Variants in CSMD1 observed in about 807,000 individuals in gnomAD.
CSMD1 encodes CUB and Sushi multiple domains 1, also known as CUB and sushi domain-containing protein 1.
A neutral mutation model predicts 417.5 loss-of-function variants in CSMD1; 213 were observed. The observed-to-expected ratio is 0.51, with a 90% CI of 0.46 to 0.57. The LOEUF (loss-of-function observed/expected upper bound fraction) is 0.57. CSMD1 is among the 20% of genes least tolerant of loss of function. The pLI is 0.00. For synonymous variants in CSMD1, 2,862 were observed against 1,736.8 expected, an observed-to-expected ratio of 1.65 and a Z score of -16.11; for missense variants, 6,923 against 4,529.7, an observed-to-expected ratio of 1.53 and a Z score of -15.17.
intron 3 of CSMD1, among the ~76,000 whole-genome samples, chr8:4,332,107 A>G (rs567118158): frequency 2.1e-3 from 313 of 152,262 alleles, no homozygotes; most frequent in Non-Finnish European, 2.5e-3. Context: ...CCAAGAAACC[A>G]CGCATAATTC....
At chr8:3,575,536 C>A (rs1389676980) in intron 9 of CSMD1, among the ~76,000 whole-genome samples, 2 of 152,172 alleles carry the variant, frequency 1.3e-5, no homozygotes, top group African/African-American at 2.4e-5. Flanking sequence ...ACTGTCTGAC[C>A]TCCAATAAAT....
chr8:3,014,551 C>A (rs1269342163), intron 52 of CSMD1, among the ~76,000 whole-genome samples: 2 of 152,114 alleles, frequency 1.3e-5, no homozygotes, highest in Non-Finnish European at 2.9e-5. Flanking sequence ...GGATGAAATT[C>A]TCCTGGGCAG....
In CSMD1 at chr8:4,994,506, A is replaced by G; in HGVS notation, c.-90T>C. ...GGAGCCAAATAATCACCCGAGGGCA[A>G]GGCGAGCCGGAGAGAGAGCCCGGTC... On this transcript the variant is annotated 5_prime_UTR_variant, in exon 1 of 70. Coordinates refer to ENST00000635120, the MANE Select transcript of CSMD1 (RefSeq NM_033225.6). 1 of 1,225,910 alleles carries G rather than the reference A, an allele frequency of 8.2e-7. No homozygotes were observed. The highest frequency in any genetic ancestry group is 2.5e-5 in the East Asian group (1 of 40,028). 75.9% of individuals were successfully genotyped at this position (1,225,910 alleles called of 1,614,324 possible).
At chr8:3,514,290 T>C (rs760080061) in intron 10 of CSMD1, among the ~76,000 whole-genome samples, 2 of 152,178 alleles carry the variant, frequency 1.3e-5, no homozygotes, top group Admixed American at 6.5e-5. Context: ...CATAGAGACG[T>C]CCTCAGTGCA....
chr8:3,772,997 C>G (rs891861996), intron 5 of CSMD1, among the ~76,000 whole-genome samples: 1 of 152,094 alleles, frequency 6.6e-6, no homozygotes, highest in Admixed American at 6.6e-5. Flanking sequence ...GGACTGGATT[C>G]CTGATTCAGA....
intron 3 of CSMD1, among the ~76,000 whole-genome samples, chr8:4,359,852 G>C (rs532720316): frequency 6.6e-6 from 1 of 152,244 alleles, no homozygotes; most frequent in South Asian, 2.1e-4. Flanking sequence ...AAGACTCAGT[G>C]CAAGTCCAGA....
In CSMD1 at chr8:4,138,070, T is replaced by A. The variant is rs1171724394; in HGVS notation, c.416-105971A>T. Among the ~76,000 whole-genome samples, 110 of 103,374 alleles carry A rather than the reference T, an allele frequency of 1.1e-3. 3 individuals carry two copies. Among genetic ancestry groups the A allele is most frequent in the Middle Eastern group, 4.7e-3 (1 of 214 alleles). The allele number at this position is 103,374 out of a possible 152,430, so 67.8% of individuals were successfully genotyped here. A position where few individuals can be genotyped will look rare whatever the true frequency, so the allele number is the denominator to read the frequency against. ...TTTTTTTTTTTTTTTTTTTTTTTTT[T>A]TTTTTTTTTTTTTTTTTGTATTTTT... On this transcript the variant is annotated intron_variant, in intron 3 of 69. Transcript: ENST00000635120.
chr8:3,928,546 T>A (rs966233511), intron 5 of CSMD1, among the ~76,000 whole-genome samples: 1 of 135,858 alleles, frequency 7.4e-6, no homozygotes, highest in Non-Finnish European at 1.6e-5. Context: ...GTTTGTAGGC[T>A]TCGGTACTGT....
At chr8:4,383,981 T>G (rs1803275840) in intron 3 of CSMD1, among the ~76,000 whole-genome samples, 1 of 152,314 alleles carries the variant, frequency 6.6e-6, no homozygotes, top group African/African-American at 2.4e-5. Context: ...GCATACCCTT[T>G]AAGTAGCACT....
intron 67 of CSMD1, 29 bp downstream of exon 67, chr8:2,950,202 T>G (rs1182517215): frequency 7.2e-7 from 1 of 1,389,320 alleles, no homozygotes; most frequent in African/African-American, 1.4e-5. Flanking sequence ...AAGCCTGTGC[T>G]TTGTCACAGA....
At chr8:3,212,070 G>C (rs539648692) in intron 30 of CSMD1, among the ~76,000 whole-genome samples, 120 of 152,274 alleles carry the variant, frequency 7.9e-4, no homozygotes, top group Middle Eastern at 3.4e-3. Context: ...GCACCAGGGA[G>C]ACCTTGGTCT....
rs58966907 is a variant in CSMD1 at position 3,926,082 on chromosome 8, TACACACACACACACACACACAC to T, written c.818+71799_818+71820del. Among the ~76,000 whole-genome samples the T allele has an allele frequency of 3.3e-3, 339 of 103,994 alleles. 10 individuals are homozygous for T. Among genetic ancestry groups the T allele is most frequent in the African/African-American group, 9.6e-3 (271 of 28,342 alleles). The allele number at this position is 103,994 out of a possible 152,430, so 68.2% of individuals were successfully genotyped here. ...CACACACACACACACACAAACACCA[TACACACACACACACACACACAC>T]ACACACACACACACACACACACACA... is the stretch of plus-strand genomic sequence containing the variant. On this transcript the variant is annotated intron_variant, in intron 5 of 69. Transcript: ENST00000635120.
chr8:4,247,622 A>G lies in CSMD1; in HGVS notation c.415+172331T>C, dbSNP rs554700473. On this transcript the variant is annotated intron_variant, in intron 3 of 69. Coordinates refer to ENST00000635120, the MANE Select transcript of CSMD1 (RefSeq NM_033225.6). ...ATTACATAATTACAAGGAGAAGAGCAGAGGTAGATTTCAAGTAAGTTATCA... is the reference window on the plus strand; with the variant it reads ...ATTACATAATTACAAGGAGAAGAGCGGAGGTAGATTTCAAGTAAGTTATCA... Among the ~76,000 whole-genome samples the G allele has an allele frequency of 2.6e-5, 4 of 152,306 alleles. No individual in the cohort carries two copies. In the East Asian group the frequency reaches 7.7e-4, roughly 29 times the overall value.
At chr8:3,803,739 A>G (rs1300699508) in intron 5 of CSMD1, among the ~76,000 whole-genome samples, 1 of 152,182 alleles carries the variant, frequency 6.6e-6, no homozygotes, top group African/African-American at 2.4e-5. Flanking sequence ...GAAGCCAGTG[A>G]CGAATCTTGA....
chr8:4,671,237 A>G (rs1805305575), intron 1 of CSMD1, among the ~76,000 whole-genome samples: 2 of 152,158 alleles, frequency 1.3e-5, no homozygotes, highest in African/African-American at 4.8e-5. Context: ...TTTACCATTG[A>G]AGTCATTAGA....
chr8:3,556,392 A>ATATATATATATATATATATAT (rs1554468279), intron 10 of CSMD1, among the ~76,000 whole-genome samples: 4,647 of 119,984 alleles, frequency 0.039, 347 homozygotes, highest in Non-Finnish European at 0.054. Flanking sequence ...TATAATAATT[A>ATATATATATATATATATATAT]ATATATATAT....
intron 3 of CSMD1, among the ~76,000 whole-genome samples, chr8:4,151,002 G>C (rs1190223986): frequency 6.6e-6 from 1 of 152,116 alleles, no homozygotes; most frequent in Non-Finnish European, 1.5e-5. Flanking sequence ...TTGGAGAAAT[G>C]ATGCAAGAGA....
intron 2 of CSMD1, among the ~76,000 whole-genome samples, chr8:4,487,769 G>A (rs546582603): frequency 6.6e-6 from 1 of 152,266 alleles, no homozygotes; most frequent in East Asian, 1.9e-4. Context: ...ATCGTCTAAA[G>A]AAAATGTCCT....
chr8:4,773,488 A>T (rs937001066), intron 1 of CSMD1, among the ~76,000 whole-genome samples: 1 of 152,170 alleles, frequency 6.6e-6, no homozygotes, highest in Non-Finnish European at 1.5e-5. Context: ...GTGTTCATGG[A>T]TAAAGAATAC....
Sources: allele counts gnomAD v4.1 joint callset (sites outside exome capture counted in the v4.1 genomes callset), GRCh38; gene constraint gnomAD v4.1.1; transcripts MANE v1.5; gene names NCBI Gene and HGNC (gene_info 2026-07-23, HGNC 2026-07-21).